The following GTPBP1 variants were observed in gnomAD, a reference collection of about 807,000 sequenced individuals.
The protein encoded by GTPBP1 is GTP-binding protein 1.
GTPBP1 carries 23 observed loss-of-function variants against 62.0 expected under a neutral mutation model. That is an observed-to-expected ratio of 0.37 (90% confidence interval 0.27 to 0.53). GTPBP1 has a LOEUF of 0.53. Ranked by LOEUF, GTPBP1 falls within the 20% of genes least tolerant of loss-of-function variation. The probability of loss-of-function intolerance (pLI) is 0.89; values close to 1 mark genes in which losing one functional copy is unlikely to be tolerated. For missense variants in GTPBP1, 640 were observed against 917.3 expected (o/e 0.70, Z 3.90); for synonymous variants, 344 against 364.4 (o/e 0.94, Z 0.64).
At chr22:38,721,899 T>G in intron 5 of GTPBP1, 34 bp downstream of exon 5, 1 of 1,534,148 alleles carries the variant, frequency 6.5e-7, no homozygotes, top group Non-Finnish European at 8.9e-7. Flanking sequence ...GCAGCCCCTC[T>G]GATTGGGGCT....
chr22:38,709,646 T>C (rs2092627001), intron 2 of GTPBP1, among the ~76,000 whole-genome samples: 1 of 152,192 alleles, frequency 6.6e-6, no homozygotes, highest in Non-Finnish European at 1.5e-5. Context: ...ACAGATCCCA[T>C]TGCGACTTAT....
chr22:38,706,057 C>T lies in GTPBP1; in HGVS notation c.102C>T (p.Ala34=), dbSNP rs955234882. The T allele has an allele frequency of 5.8e-5, 79 of 1,365,336 alleles. No individual in the cohort carries two copies. The highest frequency in any genetic ancestry group is 7.4e-5 in the Non-Finnish European group (78 of 1,060,472). The allele number at this position is 1,365,336 out of a possible 1,614,324, so 84.6% of individuals were successfully genotyped here. ...CGGGGGCGGCCAGGGCCGCGGCGGCCGCCGCCCGACTCCACGGCGGCTTTG... is the reference window on the plus strand; with the variant it reads ...CGGGGGCGGCCAGGGCCGCGGCGGCTGCCGCCCGACTCCACGGCGGCTTTG... ...SSPGAARAAA[A]AARLHGGFDS... Residue 34 remains alanine, a synonymous_variant, in exon 1 of 12, where the codon GCC becomes GCT. Coordinates refer to ENST00000216044, the MANE Select transcript of GTPBP1 (RefSeq NM_004286.5).
chr22:38,726,383 G>A lies in GTPBP1; in HGVS notation c.1344G>A (p.Lys448=). ...TTGCTGTCAAATCCATCCATCGCAAGCGCATGCCTGTCAAGGAGGTGCGGG... is the reference window on the plus strand; with the variant it reads ...TTGCTGTCAAATCCATCCATCGCAAACGCATGCCTGTCAAGGAGGTGCGGG... ...LSIAVKSIHR[K]RMPVKEVRGG... The change falls in exon 8 of 12, where the codon AAG becomes AAA. Residue 448 remains lysine, a synonymous_variant. Transcript: ENST00000216044. The surrounding 1 kb of genome is among the most constrained non-coding windows in gnomAD (Gnocchi z 4.1). 6.2e-7 allele frequency: 1 copy of A among 1,614,054 alleles called. No individual in the cohort carries two copies. Among genetic ancestry groups the A allele is most frequent in the Non-Finnish European group, 8.5e-7 (1 of 1,180,014 alleles).
Position 38,716,628 on chromosome 22 carries a change from A to G in GTPBP1, c.486-24A>G, listed in dbSNP as rs375020453. The G allele has an allele frequency of 5.2e-6, 8 of 1,543,094 alleles. No homozygotes were observed. The highest frequency in any genetic ancestry group is 1.1e-5 in the South Asian group (1 of 87,720). On this transcript the variant is annotated intron_variant, in intron 3 of 11. Coordinates refer to ENST00000216044, the MANE Select transcript of GTPBP1 (RefSeq NM_004286.5). This position sits in a 1 kb window ranked among gnomAD's most constrained non-coding sequence, Gnocchi z 5.2. Reference sequence around the variant, plus strand: ...CACTCATTCACTAACTCTCACATAGATGTATGGGTTCATCTACACGCAGGG... The same window carrying G: ...CACTCATTCACTAACTCTCACATAGGTGTATGGGTTCATCTACACGCAGGG...
chr22:38,740,284 G>C, downstream of GTPBP1: 1 of 1,599,706 alleles, frequency 6.3e-7, no homozygotes, highest in Non-Finnish European at 8.5e-7. This position sits in a 1 kb window ranked among gnomAD's most constrained non-coding sequence, Gnocchi z 4.8. Flanking sequence ...CGCACGGCCT[G>C]GATCTGCTGG....
downstream of GTPBP1, chr22:38,736,442 G>A: frequency 1.4e-6 from 2 of 1,400,590 alleles, no homozygotes; most frequent in South Asian, 2.6e-5. Flanking sequence ...TGACAGAGAA[G>A]GTGGGAAGGG....
intron 5 of GTPBP1, chr22:38,722,702 C>T (rs1401906543): frequency 1.9e-6 from 3 of 1,595,862 alleles, no homozygotes; most frequent in Non-Finnish European, 2.6e-6. Flanking sequence ...AACTGTGTTT[C>T]TTCTCTGGGG....
chr22:38,706,056 C>A lies in GTPBP1; in HGVS notation c.101C>A (p.Ala34Asp), dbSNP rs1483140012. The change falls in exon 1 of 12, where the codon GCC becomes GAC. Residue 34 changes from alanine to aspartate, a missense_variant. Coordinates refer to ENST00000216044, the MANE Select transcript of GTPBP1 (RefSeq NM_004286.5). The part of the protein sequence containing the change: ...SSPGAARAAA[A>D]AARLHGGFDS... ...CCGGGGGCGGCCAGGGCCGCGGCGG[C>A]CGCCGCCCGACTCCACGGCGGCTTT... The A allele has an allele frequency of 2.9e-6, 4 of 1,368,868 alleles. No individual in the cohort carries two copies. Among genetic ancestry groups the A allele is most frequent in the South Asian group, 3.2e-5 (2 of 63,078 alleles). The allele number at this position is 1,368,868 out of a possible 1,614,324, so 84.8% of individuals were successfully genotyped here.
chr22:38,742,545 C>T (rs780349096), downstream of GTPBP1: 21 of 1,610,884 alleles, frequency 1.3e-5, no homozygotes, highest in East Asian at 4.5e-5. Flanking sequence ...GGACATAACA[C>T]GCTGCTCAGC....
In GTPBP1 at chr22:38,729,542, G is replaced by A; in HGVS notation, c.1797G>A (p.Leu599=). Residue 599 remains leucine, a synonymous_variant, in exon 11 of 12, where the codon CTG becomes CTA. Coordinates refer to ENST00000216044, the MANE Select transcript of GTPBP1 (RefSeq NM_004286.5). ...IKMQSTKKGP[L]TKRDEGGPSG... is the part of the protein sequence containing the mutation. ...TGCAGTCGACGAAAAAGGGCCCCCT[G>A]ACGAAACGAGACGAGGGGGGCCCGT... 1 of 1,607,774 alleles carries A rather than the reference G, an allele frequency of 6.2e-7. No homozygotes were observed. Among genetic ancestry groups the A allele is most frequent in the Non-Finnish European group, 8.5e-7 (1 of 1,177,240 alleles).
In GTPBP1 at chr22:38,721,876, C is replaced by T. The variant is rs16999290; in HGVS notation, c.958+11C>T. ...CCAACATCCTGCAAGGTAAGTGAAG[C>T]CTCCAGCTAGCAGCAGCCCCTCTGA... is the stretch of plus-strand genomic sequence containing the variant. On this transcript the variant is annotated intron_variant, in intron 5 of 11. Transcript: ENST00000216044. 2.1e-3 allele frequency: 3,312 copies of T among 1,561,636 alleles called. 72 individuals carry two copies. The African/African-American group carries it at 0.04, about 19-fold the overall frequency.
downstream of GTPBP1, chr22:38,736,112 T>C (rs540939208): frequency 8.0e-6 from 6 of 748,820 alleles, no homozygotes; most frequent in African/African-American, 7.0e-5. Context: ...CACCTGCTGC[T>C]CAGGAGACCC....
At chr22:38,711,944 G>T (rs2092642805) in intron 2 of GTPBP1, among the ~76,000 whole-genome samples, 1 of 151,870 alleles carries the variant, frequency 6.6e-6, no homozygotes, top group African/African-American at 2.4e-5. Flanking sequence ...GCAGTGGTAT[G>T]ATCTCGGCTC....
chr22:38,742,379 C>T (rs749535489), downstream of GTPBP1: 45 of 1,613,224 alleles, frequency 2.8e-5, no homozygotes, highest in Middle Eastern at 1.3e-3. Context: ...CCTCCAGCAG[C>T]GCCAGGGTGT....
chr22:38,725,941 C>A, intron 6 of GTPBP1, 65 bp from the exon 7 acceptor site: 1 of 1,507,202 alleles, frequency 6.6e-7, no homozygotes, highest in Non-Finnish European at 9.2e-7. Flanking sequence ...TGGTCTGTGT[C>A]AGGGCAGGAC....
At chr22:38,741,641 G>T, downstream of GTPBP1, 1 of 1,436,632 alleles carries the variant, frequency 7.0e-7, no homozygotes, top group Non-Finnish European at 9.8e-7. Context: ...ACTAGGAAGT[G>T]GCGGAACTGG....
At chr22:38,718,984 A>G (rs564740348) in intron 4 of GTPBP1, among the ~76,000 whole-genome samples, 3 of 152,226 alleles carry the variant, frequency 2.0e-5, no homozygotes, top group Admixed American at 1.3e-4. Context: ...GTGGGTACAT[A>G]TGTGTATATA....
chr22:38,711,397 G>T (rs1317257414), intron 2 of GTPBP1, among the ~76,000 whole-genome samples: 1 of 152,304 alleles, frequency 6.6e-6, no homozygotes, highest in South Asian at 2.1e-4. Context: ...TTAAAATGGG[G>T]ATAATAATGG....
intron 10 of GTPBP1, 63 bp downstream of exon 10, chr22:38,728,224 C>T: frequency 8.3e-7 from 1 of 1,198,652 alleles, no homozygotes; most frequent in South Asian, 1.3e-5. Context: ...TGTTCTGTGA[C>T]CCTGAGTGCA....
Sources: allele counts gnomAD v4.1 joint callset (sites outside exome capture counted in the v4.1 genomes callset), GRCh38; gene constraint gnomAD v4.1.1; non-coding constraint Gnocchi (gnomAD v3.1); transcripts MANE v1.5; gene names NCBI Gene and HGNC (gene_info 2026-07-23, HGNC 2026-07-21).